Variants in CLCN3 observed in about 807,000 individuals in gnomAD.
CLCN3 encodes the protein Cl-/H+ antiporter 3, also known as H(+)/Cl(-) exchange transporter 3.
Under a neutral mutation model 83.4 loss-of-function variants are expected in CLCN3, and 16 were observed. That is an observed-to-expected ratio of 0.19 (90% confidence interval 0.13 to 0.29). The LOEUF is 0.29. Among genes scored for constraint, CLCN3 ranks in the 10% least tolerant of loss-of-function variants. CLCN3 has a pLI of 1.00. For missense variants in CLCN3, 544 were observed against 1,006.0 expected, an observed-to-expected ratio of 0.54 and a Z score of 6.21; for synonymous variants, 322 against 346.2, an observed-to-expected ratio of 0.93 and a Z score of 0.78.
intron 2 of CLCN3, among the ~76,000 whole-genome samples, chr4:169,672,242 A>ATAGATAGATAGATAGATAGG (rs1731493954): frequency 6.6e-6 from 1 of 151,856 alleles, no homozygotes; most frequent in Non-Finnish European, 1.5e-5. Flanking sequence ...AGATAGATAG[A>ATAGATAGATAGATAGATAGG]TAGATAGATA....
chr4:169,698,839 C>T (rs1406194789), intron 9 of CLCN3, among the ~76,000 whole-genome samples: 1 of 152,056 alleles, frequency 6.6e-6, no homozygotes, highest in African/African-American at 2.4e-5. Context: ...TGTTTTTTGC[C>T]TTTTCTGGCT....
chr4:169,690,759 C>A, intron 6 of CLCN3, 107 bp downstream of exon 6: 1 of 1,091,854 alleles, frequency 9.2e-7, no homozygotes, highest in East Asian at 2.6e-5. Flanking sequence ...ATAGTTTGTT[C>A]ATAATATGAA....
chr4:169,639,188 C>T (rs984835378), intron 2 of CLCN3, among the ~76,000 whole-genome samples: 14 of 152,096 alleles, frequency 9.2e-5, no homozygotes, highest in African/African-American at 3.1e-4. Context: ...CACCACTAGA[C>T]CCAGCTAATT....
At chr4:169,674,132 G>C (rs908322440) in intron 2 of CLCN3, among the ~76,000 whole-genome samples, 6 of 152,172 alleles carry the variant, frequency 3.9e-5, no homozygotes, top group African/African-American at 1.4e-4. Context: ...TGGTCTAGGA[G>C]CTAATCCTGG....
At chr4:169,706,808 A>G in intron 10 of CLCN3, 60 bp from the exon 11 acceptor site, 3 of 1,452,698 alleles carry the variant, frequency 2.1e-6, no homozygotes, top group Non-Finnish European at 2.8e-6. Context: ...CAAAAATTCT[A>G]ATAAAATGTA....
chr4:169,681,151 C>T (rs574550691), intron 3 of CLCN3, among the ~76,000 whole-genome samples: 2 of 152,164 alleles, frequency 1.3e-5, no homozygotes, highest in East Asian at 1.9e-4. Context: ...CAGGTTCAAG[C>T]GATTCTTGTA....
chr4:169,695,633 G>T lies in CLCN3; in HGVS notation c.958G>T (p.Ala320Ser). 6.2e-7 allele frequency: 1 copy of T among 1,613,428 alleles called. No homozygotes were observed. The highest frequency in any genetic ancestry group is 8.5e-7 in the Non-Finnish European group (1 of 1,179,548). Reference protein sequence around the residue: ...KREVLSAASAAGVSVAFGAPI... With the variant: ...KREVLSAASASGVSVAFGAPI... ...CTAGGTGCTATCAGCTGCCTCAGCT[G>T]CAGGGGTTTCTGTAGCTTTTGGTGC... Residue 320 changes from alanine (A) to serine (S), a missense_variant, in exon 8 of 13, where the codon GCA (alanine) becomes TCA (serine). Physicochemically the swap from Ala to Ser is moderately conservative, Grantham distance 99 (BLOSUM62 1). Coordinates refer to ENST00000513761, the MANE Select transcript of CLCN3 (RefSeq NM_001829.4).
chr4:169,639,826 C>T (rs1730354503), intron 2 of CLCN3, among the ~76,000 whole-genome samples: 1 of 152,166 alleles, frequency 6.6e-6, no homozygotes, highest in Non-Finnish European at 1.5e-5. Context: ...CAAAAAATAA[C>T]TATTACCAGA....
chr4:169,626,907 A>G (rs780153334), intron 1 of CLCN3, among the ~76,000 whole-genome samples: 1 of 152,166 alleles, frequency 6.6e-6, no homozygotes, highest in East Asian at 1.9e-4. Flanking sequence ...AATATATATC[A>G]TATCACTCTT....
chr4:169,693,101 C>T (rs1197247939), intron 7 of CLCN3, among the ~76,000 whole-genome samples: 2 of 150,056 alleles, frequency 1.3e-5, no homozygotes, highest in African/African-American at 5.1e-5. Flanking sequence ...TGAAAAACAT[C>T]TCATTAAATA....
intron 2 of CLCN3, among the ~76,000 whole-genome samples, chr4:169,674,593 T>A (rs1186778547): frequency 6.6e-6 from 1 of 152,120 alleles, no homozygotes; most frequent in Admixed American, 6.5e-5. Context: ...GAGTATGTGT[T>A]GTATGTAAAT....
At chr4:169,683,555 C>A (rs1221456456) in intron 3 of CLCN3, among the ~76,000 whole-genome samples, 2 of 152,038 alleles carry the variant, frequency 1.3e-5, no homozygotes, top group East Asian at 3.9e-4. Flanking sequence ...GTGTACAGTC[C>A]TTGAAAACAT....
chr4:169,631,902 G>T (rs1227631169), intron 1 of CLCN3, among the ~76,000 whole-genome samples: 1 of 152,018 alleles, frequency 6.6e-6, no homozygotes, highest in Non-Finnish European at 1.5e-5. Flanking sequence ...GACCAATATC[G>T]AGTTCCAAAA....
intron 2 of CLCN3, among the ~76,000 whole-genome samples, chr4:169,679,714 C>A (rs1340431261): frequency 1.3e-5 from 2 of 152,192 alleles, no homozygotes; most frequent in South Asian, 4.1e-4. Flanking sequence ...CACGGCAAAA[C>A]CCCATCTCCA....
At chr4:169,653,640 CAAAAAAAA>C (rs70964215) in intron 2 of CLCN3, among the ~76,000 whole-genome samples, 2 of 73,622 alleles carry the variant, frequency 2.7e-5, no homozygotes, top group Admixed American at 1.8e-4. Flanking sequence ...GACTCCGTCT[CAAAAAAAA>C]AAAAAAAAAA....
At chr4:169,687,539 C>T in intron 3 of CLCN3, 119 bp from the exon 4 acceptor site, 1 of 582,320 alleles carries the variant, frequency 1.7e-6, no homozygotes, top group Admixed American at 3.5e-5. Flanking sequence ...TTACCTTTTC[C>T]ATTATTTAGT....
chr4:169,645,475 C>G (rs1316544837), intron 2 of CLCN3, among the ~76,000 whole-genome samples: 2 of 152,084 alleles, frequency 1.3e-5, no homozygotes, highest in African/African-American at 4.8e-5. Context: ...AAATTGTCAG[C>G]AATTTGGCTG....
chr4:169,720,101 CA>C lies in CLCN3; in HGVS notation c.*111del, dbSNP rs1224109952. 4 of 1,508,320 alleles carry C rather than the reference CA, an allele frequency of 2.7e-6. No homozygotes were observed. Among genetic ancestry groups the C allele is most frequent in the East Asian group, 2.4e-5 (1 of 41,888 alleles). The allele number at this position is 1,508,320 out of a possible 1,614,324, so 93.4% of individuals were successfully genotyped here. A position where few individuals can be genotyped will look rare whatever the true frequency, so the allele number is the denominator to read the frequency against. On this transcript the variant is annotated 3_prime_UTR_variant, in exon 13 of 13. Transcript: ENST00000513761. ...TCATCTACTTTTTTTTCCTCCTTTA[CA>C]AAAAAAGAAAGGAAATATAAAAGCC...
chr4:169,623,161 C>T (rs4692572), intron 1 of CLCN3, among the ~76,000 whole-genome samples: 134,328 of 152,206 alleles, frequency 0.88, 59,850 homozygotes, highest in East Asian at 0.97. Flanking sequence ...GAGAAATAAT[C>T]GAACAGTTTC....
Sources: allele counts gnomAD v4.1 joint callset (sites outside exome capture counted in the v4.1 genomes callset), GRCh38; gene constraint gnomAD v4.1.1; transcripts MANE v1.5; gene names NCBI Gene and HGNC (gene_info 2026-07-23, HGNC 2026-07-21).